Variants in TBL1XR1 observed in about 807,000 individuals in gnomAD.
TBL1XR1 encodes F-box-like/WD repeat-containing protein TBL1XR1.
Under a neutral mutation model 66.9 loss-of-function variants are expected in TBL1XR1, and 5 were observed. That is an observed-to-expected ratio of 0.07 (90% CI 0.04 to 0.16). TBL1XR1 has a LOEUF of 0.16. Ranked by LOEUF, TBL1XR1 falls within the 10% of genes least tolerant of loss-of-function variation. The pLI is 1.00. For synonymous variants in TBL1XR1, 210 were observed against 206.0 expected (o/e 1.02, Z -0.17); for missense variants, 238 against 623.2 (o/e 0.38, Z 6.58).
chr3:177,167,041 T>C (rs1327193189), intron 1 of TBL1XR1, among the ~76,000 whole-genome samples: 1 of 152,194 alleles, frequency 6.6e-6, no homozygotes, highest in East Asian at 1.9e-4. Flanking sequence ...CAAAAACCGG[T>C]ACGTGGATGT....
At chr3:177,113,222 A>C (rs953047353) in intron 1 of TBL1XR1, among the ~76,000 whole-genome samples, 5 of 152,154 alleles carry the variant, frequency 3.3e-5, no homozygotes, top group African/African-American at 1.2e-4. Flanking sequence ...TAAACAAAAA[A>C]AATGGATTAA....
At chr3:177,168,009 C>G (rs1172594162) in intron 1 of TBL1XR1, among the ~76,000 whole-genome samples, 2 of 152,178 alleles carry the variant, frequency 1.3e-5, no homozygotes. Context: ...ATAACTACTA[C>G]TCTGGACTTT....
chr3:177,041,310 A>T (rs1715547780), intron 10 of TBL1XR1: 1 of 152,240 alleles, frequency 6.6e-6, no homozygotes, highest in Admixed American at 6.5e-5. Flanking sequence ...GGAGGGAGGG[A>T]GGAGAGATCT....
chr3:177,175,064 C>T (rs1022056215), intron 1 of TBL1XR1, among the ~76,000 whole-genome samples: 4 of 152,200 alleles, frequency 2.6e-5, no homozygotes, highest in African/African-American at 9.6e-5. Context: ...CTGCCTTCTT[C>T]TCATGTCTTA....
chr3:177,154,921 G>C (rs1432991184), intron 1 of TBL1XR1, among the ~76,000 whole-genome samples: 1 of 152,000 alleles, frequency 6.6e-6, no homozygotes, highest in Non-Finnish European at 1.5e-5. Flanking sequence ...AAATCTAAAA[G>C]ATTTAAATCA....
chr3:177,099,167 G>A (rs997873639), intron 1 of TBL1XR1, among the ~76,000 whole-genome samples: 2 of 152,114 alleles, frequency 1.3e-5, no homozygotes, highest in Non-Finnish European at 2.9e-5. Flanking sequence ...AGGAATTCGA[G>A]ATCAGCCTGG....
At chr3:177,166,233 AC>A in intron 1 of TBL1XR1, among the ~76,000 whole-genome samples, 1 of 152,304 alleles carries the variant, frequency 6.6e-6, no homozygotes, top group East Asian at 1.9e-4. Context: ...AAAAATAATA[AC>A]AATAACAATG....
chr3:177,171,302 T>A (rs1213449030), intron 1 of TBL1XR1: 1 of 151,930 alleles, frequency 6.6e-6, no homozygotes, highest in East Asian at 1.9e-4. Context: ...ATCGCACCAT[T>A]GCACTACAGC....
chr3:177,168,796 T>C (rs1236661344), intron 1 of TBL1XR1, among the ~76,000 whole-genome samples: 2 of 152,222 alleles, frequency 1.3e-5, no homozygotes, highest in Non-Finnish European at 2.9e-5. Context: ...CATTTACTTA[T>C]TAAGCCTAAA....
At chr3:177,124,168 A>G (rs184173967) in intron 1 of TBL1XR1, among the ~76,000 whole-genome samples, 272 of 138,892 alleles carry the variant, frequency 2.0e-3, no homozygotes, top group Non-Finnish European at 3.2e-3. Context: ...GAGTATTTCT[A>G]TCATTTAATC....
chr3:177,051,834 A>AT lies in TBL1XR1; in HGVS notation c.205-109dup, dbSNP rs1019564589. On this transcript the variant is annotated intron_variant, in intron 4 of 15. Coordinates refer to ENST00000457928, the MANE Select transcript of TBL1XR1 (RefSeq NM_024665.7). ...TGAAAATCTTCGTTCCTAAAAAAACATTTTTAGGAACTTTCTGAATTCATA... is the reference window on the plus strand; with the variant it reads ...TGAAAATCTTCGTTCCTAAAAAAACATTTTTTAGGAACTTTCTGAATTCATA... 15 of 1,328,940 alleles carry AT rather than the reference A, an allele frequency of 1.1e-5. No individual in the cohort carries two copies. The Admixed American group carries it at 4.4e-4, about 39-fold the overall frequency. The allele number at this position is 1,328,940 out of a possible 1,614,324, so 82.3% of individuals were successfully genotyped here.
At chr3:177,176,472 C>T (rs959219872) in intron 1 of TBL1XR1, among the ~76,000 whole-genome samples, 2 of 150,114 alleles carry the variant, frequency 1.3e-5, no homozygotes, top group South Asian at 4.4e-4. Context: ...ACTGGGAATA[C>T]ATGTGTGAGC....
At chr3:177,081,929 T>C (rs1156741544) in intron 2 of TBL1XR1, among the ~76,000 whole-genome samples, 2 of 152,092 alleles carry the variant, frequency 1.3e-5, no homozygotes, top group Admixed American at 6.5e-5. Context: ...AAGACACTGG[T>C]ACTAAAATTA....
chr3:177,193,475 T>G (rs73041647), intron 1 of TBL1XR1, among the ~76,000 whole-genome samples: 73,481 of 151,720 alleles, frequency 0.48, 18,923 homozygotes, highest in Non-Finnish European at 0.57. Flanking sequence ...CACGCCCAGC[T>G]AATTTGTGTA....
At chr3:177,200,126 C>G (rs564817626), upstream of TBL1XR1, among the ~76,000 whole-genome samples, 54 of 152,182 alleles carry the variant, frequency 3.5e-4, no homozygotes, top group African/African-American at 1.2e-3. Flanking sequence ...GCATGCACCA[C>G]CACGCCTGGC....
At chr3:177,051,285 A>T (rs1486788603) in intron 5 of TBL1XR1, among the ~76,000 whole-genome samples, 1 of 150,886 alleles carries the variant, frequency 6.6e-6, no homozygotes, top group Non-Finnish European at 1.5e-5. Context: ...GTCTCCTGGG[A>T]CCTTCCTGGG....
chr3:177,026,686 C>G (rs540286564), intron 14 of TBL1XR1: 1 of 463,488 alleles, frequency 2.2e-6, no homozygotes, highest in Non-Finnish European at 3.7e-6. Flanking sequence ...TACTCACACA[C>G]ATATTCAGTT....
At chr3:177,135,857 A>C (rs1728932955) in intron 1 of TBL1XR1, among the ~76,000 whole-genome samples, 2 of 151,798 alleles carry the variant, frequency 1.3e-5, no homozygotes, top group South Asian at 4.2e-4. Context: ...TAAACCATGT[A>C]AATAAAAAGC....
intron 14 of TBL1XR1, among the ~76,000 whole-genome samples, chr3:177,029,780 G>A (rs1200789585): frequency 6.6e-6 from 1 of 151,960 alleles, no homozygotes; most frequent in Non-Finnish European, 1.5e-5. Flanking sequence ...AATCAGTACA[G>A]AATATAAAAC....
Sources: gnomAD v4.1 joint callset for allele counts (sites outside exome capture counted in the v4.1 genomes callset) on GRCh38, gnomAD v4.1.1 for gene constraint, MANE v1.5 for transcripts, NCBI Gene and HGNC (gene_info 2026-07-23, HGNC 2026-07-21) for gene names.